Variants in RAPGEF4 observed in about 807,000 individuals in gnomAD.
RAPGEF4 encodes Rap guanine nucleotide exchange factor 4, also known as RAP guanine-nucleotide-exchange factor (GEF) 4.
Under a neutral mutation model 147.9 loss-of-function variants are expected in RAPGEF4, and 66 were observed. That is an observed-to-expected ratio of 0.45 (90% confidence interval 0.37 to 0.55). The LOEUF (loss-of-function observed/expected upper bound fraction) is 0.55, where lower values mean the gene tolerates loss of function less well. Ranked by LOEUF, RAPGEF4 falls within the 20% of genes least tolerant of loss-of-function variation. The pLI, the probability that RAPGEF4 is intolerant of heterozygous loss-of-function variation, is 0.00. For synonymous variants in RAPGEF4, 419 were observed against 442.7 expected (o/e 0.95, Z 0.67); for missense variants, 1,071 against 1,257.3 (o/e 0.85, Z 2.24).
chr2:172,951,920 G>A (rs77518583), intron 6 of RAPGEF4, among the ~76,000 whole-genome samples: 1 of 152,276 alleles, frequency 6.6e-6, no homozygotes, highest in South Asian at 2.1e-4. Context: ...ACACCTTCTA[G>A]GACAGGATCA....
Position 172,928,388 on chromosome 2 carries a change from C to G in RAPGEF4, c.537+6088C>G, listed in dbSNP as rs866648927. 2.0e-5 allele frequency: 7 copies of G among 345,136 alleles called. No individual in the cohort carries two copies. In the Middle Eastern group the frequency reaches 1.8e-3, roughly 91 times the overall value. The allele number at this position is 345,136 out of a possible 1,614,324, so 21.4% of individuals were successfully genotyped here. A position where few individuals can be genotyped will look rare whatever the true frequency, so the allele number is the denominator to read the frequency against. Reference sequence around the variant, plus strand: ...TTTAGGAATGACGTGTAGTTGTCATCCATCTAAATGGTAAATAGGAAATGT... The same window carrying G: ...TTTAGGAATGACGTGTAGTTGTCATGCATCTAAATGGTAAATAGGAAATGT... On this transcript the variant is annotated intron_variant, in intron 6 of 30. Coordinates refer to ENST00000397081, the MANE Select transcript of RAPGEF4 (RefSeq NM_007023.4).
At chr2:172,843,653 A>C (rs577146727) in intron 4 of RAPGEF4, among the ~76,000 whole-genome samples, 1 of 152,344 alleles carries the variant, frequency 6.6e-6, no homozygotes, top group East Asian at 1.9e-4. Flanking sequence ...TATTGAATAG[A>C]CATAAAGCTG....
chr2:172,981,312 C>T (rs1691657222), intron 10 of RAPGEF4, among the ~76,000 whole-genome samples: 1 of 152,232 alleles, frequency 6.6e-6, no homozygotes, highest in African/African-American at 2.4e-5. Flanking sequence ...TTCGCATTAG[C>T]TGCCTCTATA....
At chr2:172,742,507 A>G (rs994008060) in intron 1 of RAPGEF4, among the ~76,000 whole-genome samples, 2 of 152,192 alleles carry the variant, frequency 1.3e-5, no homozygotes, top group East Asian at 3.8e-4. Flanking sequence ...AATGCATCAC[A>G]GAAGTGTTAT....
At chr2:172,872,015 T>G (rs1294561589) in intron 4 of RAPGEF4, among the ~76,000 whole-genome samples, 1 of 152,156 alleles carries the variant, frequency 6.6e-6, no homozygotes, top group Non-Finnish European at 1.5e-5. Flanking sequence ...GCCTTTGATG[T>G]GGGATTAAGA....
intron 1 of RAPGEF4, among the ~76,000 whole-genome samples, chr2:172,761,983 G>T (rs922332067): frequency 3.5e-4 from 54 of 152,122 alleles, no homozygotes; most frequent in Admixed American, 2.5e-3. Context: ...TTAGCCAAGG[G>T]TGGTAACGAG....
At chr2:172,827,915 G>A (rs1412205099) in intron 4 of RAPGEF4, among the ~76,000 whole-genome samples, 3 of 152,112 alleles carry the variant, frequency 2.0e-5, no homozygotes, top group African/African-American at 7.2e-5. Context: ...CAAACTAGCT[G>A]CCCTGGCATG....
At chr2:173,000,471 T>G (rs754590282) in intron 16 of RAPGEF4, among the ~76,000 whole-genome samples, 1 of 152,118 alleles carries the variant, frequency 6.6e-6, no homozygotes, top group Admixed American at 6.5e-5. Context: ...AGTCCTGAGG[T>G]TTTTAGGTTT....
At chr2:173,014,245 T>C (rs944076947) in intron 17 of RAPGEF4, among the ~76,000 whole-genome samples, 18 of 152,128 alleles carry the variant, frequency 1.2e-4, no homozygotes, top group African/African-American at 4.3e-4. Flanking sequence ...GTCTAATCCC[T>C]TGGGCAACTA....
chr2:172,891,004 A>G (rs1697841877), intron 4 of RAPGEF4, among the ~76,000 whole-genome samples: 1 of 152,108 alleles, frequency 6.6e-6, no homozygotes, highest in Non-Finnish European at 1.5e-5. Context: ...GATGGCACAT[A>G]CCTGTAGTCC....
chr2:172,974,529 C>G (rs1278217383), intron 10 of RAPGEF4, among the ~76,000 whole-genome samples: 1 of 152,074 alleles, frequency 6.6e-6, no homozygotes, highest in East Asian at 1.9e-4. Flanking sequence ...ACAAAAAATA[C>G]AAAAATCAGC....
Position 173,052,083 on chromosome 2 carries a change from G to A in RAPGEF4, c.*316G>A, listed in dbSNP as rs1575609565. ...TGAAGAGTTTGGTAGAAATAGCCTT[G>A]TCAAGAGAACTAGCAAGCCCCTGAC... is the stretch of plus-strand genomic sequence containing the variant. On this transcript the variant is annotated 3_prime_UTR_variant, in exon 31 of 31. Coordinates refer to ENST00000397081, the MANE Select transcript of RAPGEF4 (RefSeq NM_007023.4). 1 of 181,550 alleles carries A rather than the reference G, an allele frequency of 5.5e-6. No homozygotes were observed. 11.2% of individuals were successfully genotyped at this position (181,550 alleles called of 1,614,324 possible).
At position 172,911,076 on chromosome 2, in the gene RAPGEF4, C is replaced by T. The variant is rs76028795; in HGVS notation, c.445-6726C>T. Among the ~76,000 whole-genome samples the T allele has an allele frequency of 1.1e-4, 16 of 152,344 alleles. No homozygotes were observed. The East Asian group carries it at 1.2e-3, about 11-fold the overall frequency. On this transcript the variant is annotated intron_variant, in intron 4 of 30. Transcript: ENST00000397081. ...CACAACCCCTCCCACATCCGAAATG[C>T]ACTCTGTCCTTTCTTGAGACTCCCA... is the stretch of plus-strand genomic sequence containing the variant.
At chr2:172,858,569 A>G (rs1049727534) in intron 4 of RAPGEF4, among the ~76,000 whole-genome samples, 9 of 152,270 alleles carry the variant, frequency 5.9e-5, no homozygotes, top group African/African-American at 1.9e-4. Flanking sequence ...CCAGTGAAAT[A>G]AAACTGAGTC....
At position 172,872,786 on chromosome 2, in the gene RAPGEF4, A is replaced by G. The variant is rs1695395511; in HGVS notation, c.445-45016A>G. The stretch of plus-strand genomic sequence containing the variant: ...TTCCTGTACAGTCTATGGAACTGTG[A>G]GTCTATTAAACTTATTTTCTTCATA... On this transcript the variant is annotated intron_variant, in intron 4 of 30. Transcript: ENST00000397081. 2.6e-5 allele frequency among the ~76,000 whole-genome samples: 4 copies of G among 152,174 alleles called. No homozygotes were observed. In the South Asian group the frequency reaches 8.3e-4, roughly 32 times the overall value.
chr2:172,762,382 C>T (rs974049549), intron 1 of RAPGEF4, among the ~76,000 whole-genome samples: 3 of 152,064 alleles, frequency 2.0e-5, no homozygotes, highest in South Asian at 2.1e-4. Flanking sequence ...TGCCAGACTG[C>T]GAGGAGAATC....
At chr2:172,755,814 C>A (rs976687152) in intron 1 of RAPGEF4, among the ~76,000 whole-genome samples, 6 of 152,174 alleles carry the variant, frequency 3.9e-5, no homozygotes, top group Non-Finnish European at 7.3e-5. Flanking sequence ...TACTACAGTA[C>A]AATGTCAAAA....
At chr2:172,839,845 C>T (rs920314358) in intron 4 of RAPGEF4, among the ~76,000 whole-genome samples, 2 of 151,946 alleles carry the variant, frequency 1.3e-5, no homozygotes, top group Admixed American at 6.6e-5. Flanking sequence ...AAAGGAGATA[C>T]AAAAAAATTC....
intron 6 of RAPGEF4, chr2:172,928,210 T>C (rs1201969249): frequency 2.2e-6 from 1 of 454,902 alleles, no homozygotes; most frequent in African/African-American, 2.0e-5. Flanking sequence ...TGAGGAAATG[T>C]TTGTTTTTGT....
Sources: allele counts gnomAD v4.1 joint callset (sites outside exome capture counted in the v4.1 genomes callset), GRCh38; gene constraint gnomAD v4.1.1; transcripts MANE v1.5; gene names NCBI Gene and HGNC (gene_info 2026-07-23, HGNC 2026-07-21).